Variants in CADM2 observed in about 807,000 individuals in gnomAD.
The protein encoded by CADM2 is immunoglobulin superfamily member 4D.
CADM2 carries 12 observed loss-of-function variants against 49.8 expected under a neutral mutation model. The observed-to-expected ratio is 0.24, with a 90% confidence interval of 0.15 to 0.39. The LOEUF is 0.39. Ranked by LOEUF, CADM2 falls within the 10% of genes least tolerant of loss-of-function variation. The probability of loss-of-function intolerance (pLI) is 1.00; values close to 1 mark genes in which losing one functional copy is unlikely to be tolerated. For missense variants in CADM2, 378 were observed against 492.3 expected (o/e 0.77, Z 2.20); for synonymous variants, 214 against 175.4 (o/e 1.22, Z -1.74).
intron 8 of CADM2, among the ~76,000 whole-genome samples, chr3:85,962,335 T>G (rs1724941195): frequency 1.3e-5 from 2 of 152,014 alleles, no homozygotes. Context: ...TTATAACTTC[T>G]GTAATTTGGT....
At chr3:85,951,527 T>C (rs188039635) in intron 7 of CADM2, among the ~76,000 whole-genome samples, 1 of 151,124 alleles carries the variant, frequency 6.6e-6, no homozygotes, top group Admixed American at 6.6e-5. Flanking sequence ...GCAAAGTTTT[T>C]CAAACATGTC....
Position 86,070,472 on chromosome 3 carries a change from C to G in CADM2, c.*3689C>G, listed in dbSNP as rs985142238. On this transcript the variant is annotated 3_prime_UTR_variant, in exon 10 of 10. Coordinates refer to ENST00000383699, the MANE Select transcript of CADM2 (RefSeq NM_001167675.2). ...GACATCAAGGTAATTTAGTGGACAA[C>G]AAATATTAAATTTTACATTATGCTT... 6.6e-6 allele frequency: 1 copy of G among 151,818 alleles called. No homozygotes were observed. The highest frequency in any genetic ancestry group is 1.5e-5 in the Non-Finnish European group (1 of 67,794). The allele number at this position is 151,818 out of a possible 1,614,324, so 9.4% of individuals were successfully genotyped here.
chr3:85,666,516 T>A (rs766286158), intron 1 of CADM2, among the ~76,000 whole-genome samples: 10 of 151,642 alleles, frequency 6.6e-5, no homozygotes, highest in Non-Finnish European at 1.3e-4. Flanking sequence ...CACAAAAAAA[T>A]ATTTAATATA....
intron 6 of CADM2, among the ~76,000 whole-genome samples, chr3:85,934,427 T>C (rs562606164): frequency 6.6e-6 from 1 of 152,228 alleles, no homozygotes; most frequent in East Asian, 1.9e-4. Flanking sequence ...ATTTTTTTCT[T>C]CTATCAGTTA....
intron 8 of CADM2, among the ~76,000 whole-genome samples, chr3:85,972,988 G>T (rs994797459): frequency 7.9e-5 from 12 of 151,622 alleles, no homozygotes; most frequent in Admixed American, 7.9e-4. Flanking sequence ...TTAGAATATA[G>T]AACTATTCTG....
chr3:85,166,827 T>C (rs563894971), intron 1 of CADM2, among the ~76,000 whole-genome samples: 9 of 152,066 alleles, frequency 5.9e-5, no homozygotes, highest in Admixed American at 1.3e-4. Context: ...GATGAAAATA[T>C]TAATCATGCC....
chr3:85,986,917 T>C (rs1005577437), intron 8 of CADM2, among the ~76,000 whole-genome samples: 4 of 152,042 alleles, frequency 2.6e-5, no homozygotes, highest in African/African-American at 4.8e-5. Flanking sequence ...ACCTAAATAT[T>C]TGAATAGTTG....
At chr3:85,729,458 G>T (rs1214732325) in intron 2 of CADM2, among the ~76,000 whole-genome samples, 1 of 150,128 alleles carries the variant, frequency 6.7e-6, no homozygotes, top group African/African-American at 2.5e-5. Flanking sequence ...CAGTCGAGTT[G>T]CTTCTCAGAA....
At chr3:86,049,376 G>A (rs567441877) in intron 8 of CADM2, among the ~76,000 whole-genome samples, 7 of 151,404 alleles carry the variant, frequency 4.6e-5, no homozygotes, top group Admixed American at 6.6e-5. Flanking sequence ...CCAGGTTCAC[G>A]CCATCCTCCT....
At chr3:85,633,717 A>G (rs1043445983) in intron 1 of CADM2, among the ~76,000 whole-genome samples, 1 of 152,098 alleles carries the variant, frequency 6.6e-6, no homozygotes. Flanking sequence ...CTTTCCATAA[A>G]AAAGGATGGG....
chr3:85,316,165 G>A (rs967135965), intron 1 of CADM2, among the ~76,000 whole-genome samples: 3 of 152,138 alleles, frequency 2.0e-5, no homozygotes, highest in Non-Finnish European at 4.4e-5. Flanking sequence ...CTCTCTGGAA[G>A]TCAGTTTCAC....
chr3:85,729,935 C>T (rs186924130), intron 2 of CADM2, among the ~76,000 whole-genome samples: 29 of 152,086 alleles, frequency 1.9e-4, no homozygotes, highest in South Asian at 1.2e-3. Flanking sequence ...TATTAGAAAC[C>T]GATATTCTTA....
intron 8 of CADM2, among the ~76,000 whole-genome samples, chr3:86,040,897 A>G (rs1375866326): frequency 4.6e-5 from 7 of 152,220 alleles, no homozygotes; most frequent in Admixed American, 3.9e-4. Flanking sequence ...CAGAAACTCT[A>G]CAAGCCAGAA....
At chr3:85,198,789 T>C (rs562784023) in intron 1 of CADM2, among the ~76,000 whole-genome samples, 4 of 151,922 alleles carry the variant, frequency 2.6e-5, no homozygotes, top group Admixed American at 6.6e-5. Context: ...GTTGTAATTG[T>C]TATGTCTCCA....
At chr3:85,686,146 A>G (rs1016100726) in intron 1 of CADM2, among the ~76,000 whole-genome samples, 2 of 152,210 alleles carry the variant, frequency 1.3e-5, no homozygotes, top group African/African-American at 4.8e-5. Flanking sequence ...GCATAAACTC[A>G]CAGAATAAAA....
rs142207057 is a variant in CADM2 at position 85,436,330 on chromosome 3, G to A, written c.62-290192G>A. On this transcript the variant is annotated intron_variant, in intron 1 of 9. Coordinates refer to ENST00000383699, the MANE Select transcript of CADM2 (RefSeq NM_001167675.2). ...GCTTAAGGAGATTTTGGGCTGAGAC[G>A]ATGGGGTTTTCTAAATATACGATCA... is the stretch of plus-strand genomic sequence containing the variant. Among the ~76,000 whole-genome samples the A allele has an allele frequency of 8.6e-3, 1,311 of 152,160 alleles. 18 individuals carry two copies. Among genetic ancestry groups the A allele is most frequent in the African/African-American group, 0.03 (1,229 of 41,546 alleles).
chr3:86,003,822 A>T (rs1730461535), intron 8 of CADM2, among the ~76,000 whole-genome samples: 1 of 152,218 alleles, frequency 6.6e-6, no homozygotes, highest in Non-Finnish European at 1.5e-5. Flanking sequence ...GTGGAGAGCA[A>T]AGATTACTTC....
At chr3:85,880,133 G>T (rs1712525483) in intron 3 of CADM2, among the ~76,000 whole-genome samples, 1 of 152,094 alleles carries the variant, frequency 6.6e-6, no homozygotes, top group Non-Finnish European at 1.5e-5. Context: ...TGTATTCTTT[G>T]TGTGCGTTTC....
chr3:86,043,900 A>G (rs1366477029), intron 8 of CADM2, among the ~76,000 whole-genome samples: 2 of 152,214 alleles, frequency 1.3e-5, no homozygotes, highest in African/African-American at 4.8e-5. Context: ...CCTCAGAAAT[A>G]GTGCTGCATA....
Sources: allele counts gnomAD v4.1 joint callset (sites outside exome capture counted in the v4.1 genomes callset), GRCh38; gene constraint gnomAD v4.1.1; transcripts MANE v1.5; gene names NCBI Gene and HGNC (gene_info 2026-07-23, HGNC 2026-07-21).